DCHS2: variants seen among roughly 807,000 people sequenced by gnomAD.
DCHS2 encodes the protein protocadherin-23.
In DCHS2, 142 loss-of-function variants were observed where a neutral mutation model predicts 182.4. The observed-to-expected ratio is 0.78, with a 90% CI of 0.68 to 0.89. The LOEUF (loss-of-function observed/expected upper bound fraction) is 0.89. Ranked by LOEUF, DCHS2 falls within the 40% of genes least tolerant of loss-of-function variation. The probability of loss-of-function intolerance (pLI) is 0.00; values close to 1 mark genes in which losing one functional copy is unlikely to be tolerated. For missense variants in DCHS2, 4,319 were observed against 4,198.6 expected, an observed-to-expected ratio of 1.03 and a Z score of -0.79; for synonymous variants, 1,740 against 1,663.3, an observed-to-expected ratio of 1.05 and a Z score of -1.12.
chr4:154,437,337 C>T (rs577900744), intron 1 of DCHS2, among the ~76,000 whole-genome samples: 1 of 152,254 alleles, frequency 6.6e-6, no homozygotes, highest in South Asian at 2.1e-4. Flanking sequence ...CTACCACTAA[C>T]CACTCTCATG....
intron 13 of DCHS2, among the ~76,000 whole-genome samples, chr4:154,295,679 T>C (rs1734896104): frequency 6.6e-6 from 1 of 152,136 alleles, no homozygotes; most frequent in African/African-American, 2.4e-5. Context: ...ATAACAAAAA[T>C]AACAACCAAA....
intron 3 of DCHS2, among the ~76,000 whole-genome samples, chr4:154,337,913 G>A (rs1166405258): frequency 5.3e-5 from 8 of 151,952 alleles, no homozygotes. Context: ...GCTAATTTTT[G>A]TATCTTTAGT....
chr4:154,396,721 T>C (rs138049111), intron 1 of DCHS2, among the ~76,000 whole-genome samples: 20 of 152,302 alleles, frequency 1.3e-4, no homozygotes, highest in African/African-American at 4.6e-4. Context: ...GTGTTCTCTT[T>C]GCATGAAATT....
At chr4:154,310,958 T>A (rs1446747456) in intron 10 of DCHS2, among the ~76,000 whole-genome samples, 2 of 152,218 alleles carry the variant, frequency 1.3e-5, no homozygotes, top group Admixed American at 6.5e-5. Flanking sequence ...CAATATTAAC[T>A]ATGGCTGCTG....
intron 1 of DCHS2, among the ~76,000 whole-genome samples, chr4:154,405,872 T>G (rs896654253): frequency 3.3e-5 from 5 of 152,234 alleles, no homozygotes; most frequent in African/African-American, 1.2e-4. Flanking sequence ...TTTTATTGTA[T>G]GCTGAATATT....
At chr4:154,305,470 T>G (rs1158603469) in intron 10 of DCHS2, among the ~76,000 whole-genome samples, 1 of 152,206 alleles carries the variant, frequency 6.6e-6, no homozygotes, top group South Asian at 2.1e-4. Context: ...AGTGAATGCT[T>G]AGAATTTTTT....
rs1728709225 is a variant in DCHS2 at position 154,489,465 on chromosome 4, G to T, written c.1891C>A (p.Leu631Met). The T allele has an allele frequency of 1.3e-6, 2 of 1,551,718 alleles. No homozygotes were observed. The highest frequency in any genetic ancestry group is 1.7e-4 in the Middle Eastern group (1 of 5,992). The change falls in exon 1 of 20, where the codon CTG (leucine) becomes ATG (methionine). Residue 631 changes from leucine (L) to methionine (M), a missense_variant. By Grantham distance (15) the Leu-to-Met change is conservative. Coordinates refer to ENST00000357232, the MANE Select transcript of DCHS2 (RefSeq NM_001358235.2). ...LDREVQEAVE[L>M]KVVAQDLGEP... Reference sequence around the variant, plus strand: ...CCGAGGTCCTGGGCCACCACTTTCAGCTCCACCGCCTCCTGGACCTCTCGG... The same window carrying T: ...CCGAGGTCCTGGGCCACCACTTTCATCTCCACCGCCTCCTGGACCTCTCGG...
intron 10 of DCHS2, among the ~76,000 whole-genome samples, 169 bp from the exon 11 acceptor site, chr4:154,305,400 A>C (rs1735403092): frequency 6.6e-6 from 1 of 152,210 alleles, no homozygotes; most frequent in Non-Finnish European, 1.5e-5. Context: ...GTTCTTGCTA[A>C]AATAAAAGCC....
chr4:154,475,446 A>C, intron 1 of DCHS2, among the ~76,000 whole-genome samples: 1 of 152,212 alleles, frequency 6.6e-6, no homozygotes, highest in Non-Finnish European at 1.5e-5. Flanking sequence ...CTGAAATCTT[A>C]AAGGAATAAA....
rs138079021 is a variant in DCHS2, at chr4:154,366,227, G to C, written c.2459C>G (p.Thr820Ser). Residue 820 changes from threonine to serine, a missense_variant, in exon 3 of 20, where the codon ACC becomes AGC. Thr to Ser is a moderately conservative substitution (Grantham distance 58). Coordinates refer to ENST00000357232, the MANE Select transcript of DCHS2 (RefSeq NM_001358235.2). ...TCACATACCTGTGGTGGAGTCAATG[G>C]TAAAAAGGGACGACACGTTTCCTGG... is the stretch of plus-strand genomic sequence containing the variant. Reference protein sequence around the residue: ...LIPGNVSSLFTIDSTTGIIYL... With the variant: ...LIPGNVSSLFSIDSTTGIIYL... 1 of 1,613,368 alleles carries C rather than the reference G, an allele frequency of 6.2e-7. No homozygotes were observed. The highest frequency in any genetic ancestry group is 1.1e-5 in the South Asian group (1 of 91,046).
chr4:154,333,049 G>C lies in DCHS2; in HGVS notation c.3159C>G (p.Leu1053=). The C allele has an allele frequency of 6.2e-7, 1 of 1,614,112 alleles. No individual in the cohort carries two copies. The highest frequency in any genetic ancestry group is 8.5e-7 in the Non-Finnish European group (1 of 1,179,988). The change falls in exon 5 of 20, where the codon CTC becomes CTG. Residue 1053 remains leucine, a synonymous_variant. Coordinates refer to ENST00000357232, the MANE Select transcript of DCHS2 (RefSeq NM_001358235.2). ...AGEQRELTLT[L]RAEDQGVHPQ... ...GATGCACGCCTTGGTCCTCGGCCCT[G>C]AGAGTCAGCGTGAGCTCCCGCTGCT...
chr4:154,400,202 C>A (rs1229182758), intron 1 of DCHS2, among the ~76,000 whole-genome samples: 1 of 148,294 alleles, frequency 6.7e-6, no homozygotes, highest in African/African-American at 2.5e-5. Flanking sequence ...ACTCGGGAAG[C>A]TGAGGCAGGA....
At chr4:154,381,242 T>C (rs1731152979) in intron 1 of DCHS2, among the ~76,000 whole-genome samples, 1 of 152,096 alleles carries the variant, frequency 6.6e-6, no homozygotes, top group African/African-American at 2.4e-5. Flanking sequence ...GTAAACTTCT[T>C]CCAACTCAGA....
chr4:154,487,258 C>A (rs1265637805), intron 1 of DCHS2, among the ~76,000 whole-genome samples: 2 of 152,178 alleles, frequency 1.3e-5, no homozygotes, highest in Non-Finnish European at 2.9e-5. Context: ...TCAGTGGGCA[C>A]TGGCATACCC....
rs570314568 is a variant in DCHS2, at chr4:154,424,456, AGTG to A, written c.2053-47015_2053-47013del. On this transcript the variant is annotated intron_variant, in intron 1 of 19. Transcript: ENST00000357232. ...AGGATGTGCAAAAATGAAACTTTAC[AGTG>A]GATAGGAAAAACTGTGCAAGAACCA... Among the ~76,000 whole-genome samples the A allele has an allele frequency of 7.2e-3, 1,094 of 152,380 alleles. 10 individuals carry two copies. Among genetic ancestry groups the A allele is most frequent in the Non-Finnish European group, 0.012 (805 of 68,040 alleles).
In DCHS2 at chr4:154,321,004, C is replaced by T; in HGVS notation, c.4395G>A (p.Lys1465=). Residue 1465 remains lysine, a synonymous_variant, in exon 9 of 20, where the codon AAG becomes AAA. Transcript: ENST00000357232. ...DSSTGDLFLS[K]ELDYETTSHY... ...GAGATGTCGTCTCATAATCAAGTTC[C>T]TTAGAAAGAAACAAGTCTCCGGTTG... 6.2e-7 allele frequency: 1 copy of T among 1,613,938 alleles called. No homozygotes were observed. The highest frequency in any genetic ancestry group is 8.5e-7 in the Non-Finnish European group (1 of 1,179,922).
intron 1 of DCHS2, among the ~76,000 whole-genome samples, chr4:154,476,092 AT>A (rs977957321): frequency 2.0e-5 from 3 of 152,190 alleles, no homozygotes; most frequent in Non-Finnish European, 4.4e-5. Flanking sequence ...CAATTGTTTT[AT>A]TTTTCAAACT....
intron 10 of DCHS2, among the ~76,000 whole-genome samples, chr4:154,312,848 C>T (rs538210447): frequency 6.6e-6 from 1 of 152,170 alleles, no homozygotes; most frequent in African/African-American, 2.4e-5. Context: ...CTTATAACTT[C>T]CTATGAAGAT....
chr4:154,479,552 G>A (rs1340663665), intron 1 of DCHS2, among the ~76,000 whole-genome samples: 1 of 152,144 alleles, frequency 6.6e-6, no homozygotes, highest in East Asian at 1.9e-4. Context: ...TGATAAAGTA[G>A]CCTTAAGATA....
Sources: allele counts gnomAD v4.1 joint callset (sites outside exome capture counted in the v4.1 genomes callset), GRCh38; gene constraint gnomAD v4.1.1; transcripts MANE v1.5; gene names NCBI Gene and HGNC (gene_info 2026-07-23, HGNC 2026-07-21).